The following DGKI variants were observed in gnomAD, a reference collection of about 807,000 sequenced individuals.
DGKI encodes the protein DAG kinase iota.
DGKI carries 55 observed loss-of-function variants against 147.5 expected under a neutral mutation model. That is an observed-to-expected ratio of 0.37 (90% CI 0.30 to 0.47). DGKI has a LOEUF of 0.47. Among genes scored for constraint, DGKI ranks in the 20% least tolerant of loss-of-function variants. The probability of loss-of-function intolerance (pLI) is 1.00; values close to 1 mark genes in which losing one functional copy is unlikely to be tolerated. For synonymous variants in DGKI, 469 were observed against 477.1 expected, an observed-to-expected ratio of 0.98 and a Z score of 0.22; for missense variants, 1,007 against 1,323.8, an observed-to-expected ratio of 0.76 and a Z score of 3.71.
chr7:137,628,514 A>T (rs1046280378), intron 6 of DGKI, among the ~76,000 whole-genome samples: 1 of 152,176 alleles, frequency 6.6e-6, no homozygotes, highest in Non-Finnish European at 1.5e-5. Flanking sequence ...AGCATGCCAA[A>T]ATGAACCAGA....
At chr7:137,752,777 T>C (rs997806294) in intron 1 of DGKI, among the ~76,000 whole-genome samples, 8 of 152,144 alleles carry the variant, frequency 5.3e-5, no homozygotes, top group Non-Finnish European at 1.0e-4. Context: ...TTGGGGAGCT[T>C]GGTTTTTGGA....
Position 137,407,877 on chromosome 7 carries a change from T to C in DGKI, c.2918A>G (p.His973Arg), listed in dbSNP as rs200381386. ...NGEIVKYILD[H>R]GPSELLDMAD... ...GTAAGTTCACTATGCCTACTTACCGTGGTCAAGGATATATTTCACAATCTC... is the reference window on the plus strand; with the variant it reads ...GTAAGTTCACTATGCCTACTTACCGCGGTCAAGGATATATTTCACAATCTC... The change falls in exon 30 of 33, where the codon CAC becomes CGC. Residue 973 changes from histidine to arginine, a missense_variant and splice_region_variant. Around this residue, in one of 5 missense-constraint regions of DGKI, gnomAD observed 385 missense variants for 445.2 expected, o/e 0.86. Coordinates refer to ENST00000614521, the MANE Select transcript of DGKI (RefSeq NM_001321708.2). 7.2e-5 allele frequency: 116 copies of C among 1,614,048 alleles called. No homozygotes were observed. The African/African-American group carries it at 1.4e-3, about 20-fold the overall frequency.
chr7:137,396,719 T>C lies in DGKI; in HGVS notation c.2957+658A>G, dbSNP rs186274196. Reference sequence around the variant, plus strand: ...CACACCAACTCATCTTTATACCTTTTCAAATATGGCTTTCAGGATTAGTTG... The same window carrying C: ...CACACCAACTCATCTTTATACCTTTCCAAATATGGCTTTCAGGATTAGTTG... On this transcript the variant is annotated intron_variant, in intron 31 of 32. Transcript: ENST00000614521. Among the ~76,000 whole-genome samples, 19 of 152,388 alleles carry C rather than the reference T, an allele frequency of 1.2e-4. No homozygotes were observed. In the East Asian group the frequency reaches 3.5e-3, roughly 28 times the overall value.
At position 137,383,748 on chromosome 7, in the gene DGKI, T is replaced by C. The variant is rs1456803216; in HGVS notation, c.*7472A>G. 6.6e-6 allele frequency: 1 copy of C among 152,036 alleles called. No individual in the cohort carries two copies. The highest frequency in any genetic ancestry group is 2.4e-5 in the African/African-American group (1 of 41,434). 9.4% of individuals were successfully genotyped at this position (152,036 alleles called of 1,614,324 possible). Reference sequence around the variant, plus strand: ...TCCTTTTCATGTGTTACTGCTCTTTTCTTTCCTTATTTTATTCTACAAATC... The same window carrying C: ...TCCTTTTCATGTGTTACTGCTCTTTCCTTTCCTTATTTTATTCTACAAATC... On this transcript the variant is annotated 3_prime_UTR_variant, in exon 33 of 33. Transcript: ENST00000614521.
chr7:137,570,219 T>A (rs1818745963), intron 19 of DGKI, among the ~76,000 whole-genome samples: 1 of 152,134 alleles, frequency 6.6e-6, no homozygotes, highest in Non-Finnish European at 1.5e-5. Context: ...GTGGCCTGAT[T>A]TACACAAGAA....
chr7:137,541,704 A>G (rs1296962543), intron 20 of DGKI, among the ~76,000 whole-genome samples: 1 of 152,198 alleles, frequency 6.6e-6, no homozygotes, highest in Non-Finnish European at 1.5e-5. Flanking sequence ...GGACATCCAT[A>G]TGCAAAAACA....
chr7:137,713,218 C>G (rs1313234337), intron 1 of DGKI, among the ~76,000 whole-genome samples: 1 of 152,128 alleles, frequency 6.6e-6, no homozygotes, highest in African/African-American at 2.4e-5. Flanking sequence ...ACATAGCAAC[C>G]AGCACAGAAC....
At chr7:137,827,523 C>G (rs1473923244) in intron 1 of DGKI, among the ~76,000 whole-genome samples, 3 of 152,168 alleles carry the variant, frequency 2.0e-5, no homozygotes, top group African/African-American at 7.2e-5. Context: ...GTCCCCATCT[C>G]CTCCTATTGA....
intron 3 of DGKI, among the ~76,000 whole-genome samples, chr7:137,658,356 C>T (rs1822298320): frequency 6.6e-6 from 1 of 152,200 alleles, no homozygotes; most frequent in Non-Finnish European, 1.5e-5. Context: ...ACTGCTTTGG[C>T]ACCACCTGTG....
intron 28 of DGKI, among the ~76,000 whole-genome samples, chr7:137,428,628 G>A (rs967352471): frequency 3.9e-5 from 6 of 152,074 alleles, no homozygotes; most frequent in South Asian, 4.2e-4. Context: ...TTTTGCAGAT[G>A]ACATGATTGT....
At chr7:137,473,296 T>A (rs746598563) in intron 23 of DGKI, among the ~76,000 whole-genome samples, 6 of 152,134 alleles carry the variant, frequency 3.9e-5, no homozygotes, top group Non-Finnish European at 8.8e-5. Flanking sequence ...CGTCTAAAGA[T>A]AACATTACAA....
chr7:137,842,576 T>C (rs1471400233), intron 1 of DGKI, among the ~76,000 whole-genome samples: 7 of 152,178 alleles, frequency 4.6e-5, no homozygotes, highest in South Asian at 4.1e-4. Context: ...TCATCACTCA[T>C]TCTGTGCTGC....
chr7:137,800,738 T>C (rs1490981461), intron 1 of DGKI, among the ~76,000 whole-genome samples: 1 of 152,226 alleles, frequency 6.6e-6, no homozygotes, highest in Non-Finnish European at 1.5e-5. Context: ...GAGATTCAGC[T>C]GAGTCAAATC....
intron 1 of DGKI, among the ~76,000 whole-genome samples, chr7:137,715,942 C>T (rs1448338158): frequency 6.6e-6 from 1 of 152,150 alleles, no homozygotes; most frequent in Non-Finnish European, 1.5e-5. Context: ...AGCGAAGCCC[C>T]AGGGCTGTGA....
At chr7:137,502,376 T>C (rs1207405151) in intron 21 of DGKI, among the ~76,000 whole-genome samples, 1 of 152,152 alleles carries the variant, frequency 6.6e-6, no homozygotes, top group Admixed American at 6.6e-5. Context: ...TAATTGTGTG[T>C]CATGTTGCAT....
At chr7:137,778,843 TAGAG>T (rs1485796864) in intron 1 of DGKI, among the ~76,000 whole-genome samples, 1 of 152,150 alleles carries the variant, frequency 6.6e-6, no homozygotes, top group Non-Finnish European at 1.5e-5. Flanking sequence ...ATATGTTAAA[TAGAG>T]AGAAGTCACA....
intron 6 of DGKI, among the ~76,000 whole-genome samples, chr7:137,629,239 C>G (rs147494181): frequency 6.6e-6 from 1 of 151,424 alleles, no homozygotes; most frequent in Non-Finnish European, 1.5e-5. Context: ...AAAAAAAGTA[C>G]TTTTATGTAT....
rs1225269126 is a variant in DGKI, at chr7:137,386,408, TG to T, written c.*4811del. 1 of 152,136 alleles carries T rather than the reference TG, an allele frequency of 6.6e-6. No homozygotes were observed. Among genetic ancestry groups the T allele is most frequent in the Non-Finnish European group, 1.5e-5 (1 of 68,022 alleles). 9.4% of individuals were successfully genotyped at this position (152,136 alleles called of 1,614,324 possible). On this transcript the variant is annotated 3_prime_UTR_variant, in exon 33 of 33. Coordinates refer to ENST00000614521, the MANE Select transcript of DGKI (RefSeq NM_001321708.2). ...CAGCAGCCGTGATTGTGTACCCTCA[TG>T]GGACTAAGACAGATATTTGCTAAAC...
At chr7:137,790,753 T>C (rs766382669) in intron 1 of DGKI, among the ~76,000 whole-genome samples, 6 of 152,188 alleles carry the variant, frequency 3.9e-5, no homozygotes, top group Non-Finnish European at 5.9e-5. Flanking sequence ...ACAAAGCACT[T>C]AATGACTGTA....
Sources: allele counts gnomAD v4.1 joint callset (sites outside exome capture counted in the v4.1 genomes callset), GRCh38; gene constraint gnomAD v4.1.1; regional missense constraint gnomAD v4.1.1; transcripts MANE v1.5; gene names NCBI Gene and HGNC (gene_info 2026-07-23, HGNC 2026-07-21).